The following RASGRF1 variants were observed in gnomAD, a reference collection of about 807,000 sequenced individuals.
RASGRF1 encodes the protein Ras protein specific guanine nucleotide releasing factor 1.
A neutral mutation model predicts 138.7 loss-of-function variants in RASGRF1; 40 were observed. The ratio of observed to expected loss-of-function variants is 0.29; its 90% CI spans 0.22 to 0.38. The LOEUF (loss-of-function observed/expected upper bound fraction) is 0.38, where lower values mean the gene tolerates loss of function less well. Among genes scored for constraint, RASGRF1 ranks in the 10% least tolerant of loss-of-function variants. The pLI is 1.00. For synonymous variants in RASGRF1, 614 were observed against 663.2 expected (o/e 0.93, Z 1.14); for missense variants, 1,108 against 1,650.4 (o/e 0.67, Z 5.69).
At chr15:79,048,323 G>A (rs570857915) in intron 4 of RASGRF1, among the ~76,000 whole-genome samples, 2 of 152,206 alleles carry the variant, frequency 1.3e-5, no homozygotes, top group East Asian at 3.9e-4. Flanking sequence ...TGCAGGAGGT[G>A]GCCTGGGGCT....
intron 26 of RASGRF1, among the ~76,000 whole-genome samples, chr15:78,970,139 T>C (rs2055722121): frequency 6.6e-6 from 1 of 152,202 alleles, no homozygotes; most frequent in African/African-American, 2.4e-5. Context: ...TTTTCCGGTG[T>C]GCTTGAGGGT....
At position 78,960,085 on chromosome 15, in the gene RASGRF1, AT is replaced by A. The variant is rs1161418997; in HGVS notation, c.*2058del. The A allele has an allele frequency of 2.0e-5, 3 of 152,194 alleles. No homozygotes were observed. The highest frequency in any genetic ancestry group is 7.2e-5 in the African/African-American group (3 of 41,450). 9.4% of individuals were successfully genotyped at this position (152,194 alleles called of 1,614,324 possible). On this transcript the variant is annotated 3_prime_UTR_variant, in exon 27 of 27. Coordinates refer to ENST00000558480, the MANE Select transcript of RASGRF1 (RefSeq NM_001145648.3). ...GAAGCAGGTAAAGCTGGCAATCAAA[AT>A]CAGCTGGCAGTCAAAAGAAGGATCT...
intron 26 of RASGRF1, among the ~76,000 whole-genome samples, chr15:78,969,108 A>G (rs2055700928): frequency 6.6e-6 from 1 of 152,140 alleles, no homozygotes; most frequent in Non-Finnish European, 1.5e-5. Context: ...GTTTGAATAA[A>G]CCTACTATTT....
intron 26 of RASGRF1, among the ~76,000 whole-genome samples, chr15:78,962,610 T>C (rs938726270): frequency 2.6e-5 from 4 of 152,182 alleles, no homozygotes; most frequent in Admixed American, 6.6e-5. Context: ...AGGCTGGGCG[T>C]GGTGGCTCAT....
chr15:79,010,459 C>T (rs948665723), intron 13 of RASGRF1, among the ~76,000 whole-genome samples: 1 of 152,228 alleles, frequency 6.6e-6, no homozygotes, highest in Non-Finnish European at 1.5e-5. Flanking sequence ...AGACTCAACA[C>T]AAGAGAGTGC....
rs2055767244 is a variant in RASGRF1 at position 78,971,848 on chromosome 15, G to A, written c.3681+18C>T. ...CACTGTGAAAGCATGCAAGTGACCAGGAAAAGGCACAGCTTACCTTTGCTT... is the reference window on the plus strand; with the variant it reads ...CACTGTGAAAGCATGCAAGTGACCAAGAAAAGGCACAGCTTACCTTTGCTT... On this transcript the variant is annotated intron_variant, in intron 26 of 26. Coordinates refer to ENST00000558480, the MANE Select transcript of RASGRF1 (RefSeq NM_001145648.3). 6.4e-7 allele frequency: 1 copy of A among 1,557,610 alleles called. No homozygotes were observed. The highest frequency in any genetic ancestry group is 8.9e-7 in the Non-Finnish European group (1 of 1,128,640).
chr15:78,984,972 C>T (rs1270574778), intron 23 of RASGRF1, 35 bp downstream of exon 23: 3 of 1,599,690 alleles, frequency 1.9e-6, no homozygotes, highest in South Asian at 2.2e-5. Context: ...CAATCCAGCC[C>T]CAGGGAGGCA....
chr15:79,003,938 C>T lies in RASGRF1; in HGVS notation c.2313G>A (p.Ser771=), dbSNP rs148571820. 38 of 1,614,150 alleles carry T rather than the reference C, an allele frequency of 2.4e-5. 1 individual carries two copies. Among genetic ancestry groups the T allele is most frequent in the African/African-American group, 1.5e-4 (11 of 75,028 alleles). Residue 771 remains serine, a synonymous_variant, in exon 15 of 27, where the codon TCG becomes TCA. Transcript: ENST00000558480. ...CNSNGYTSMY[S]AMSPFSKATL... ...TGGCCTTGCTGAAGGGTGACATGGC[C>T]GAGTACATGCTGGTGTAGCCATTGG... is the stretch of plus-strand genomic sequence containing the variant.
intron 1 of RASGRF1, among the ~76,000 whole-genome samples, chr15:79,077,465 C>A (rs2057849286): frequency 3.3e-5 from 5 of 152,186 alleles, no homozygotes; most frequent in Admixed American, 2.0e-4. Context: ...TCTAATCAAC[C>A]TAGCAGTGGC....
chr15:78,985,375 C>A, intron 22 of RASGRF1, 171 bp from the exon 23 acceptor site: 2 of 650,374 alleles, frequency 3.1e-6, no homozygotes, highest in Non-Finnish European at 5.1e-6. Flanking sequence ...GTTCAATATA[C>A]AAAAATGAAA....
chr15:78,973,378 G>A lies in RASGRF1; in HGVS notation c.3537C>T (p.Thr1179=), dbSNP rs1463897485. The A allele has an allele frequency of 5.6e-6, 9 of 1,613,758 alleles. No homozygotes were observed. The highest frequency in any genetic ancestry group is 4.4e-5 in the South Asian group (4 of 91,072). Residue 1179 remains threonine (T), a synonymous_variant, in exon 25 of 27, where the codon ACC becomes ACT. Transcript: ENST00000558480. The surrounding 1 kb of genome is among the most constrained non-coding windows in gnomAD (Gnocchi z 4.9). Reference sequence around the variant, plus strand: ...TCCCCTCCTCGATGAAGGCCAGGTCGGTGAGGTACATCCCCAGGTAAGGGA... The same window carrying A: ...TCCCCTCCTCGATGAAGGCCAGGTCAGTGAGGTACATCCCCAGGTAAGGGA... ...PCVPYLGMYL[T]DLAFIEEGTP...
intron 14 of RASGRF1, chr15:79,004,991 T>C: frequency 1.0e-6 from 1 of 985,498 alleles, no homozygotes; most frequent in Non-Finnish European, 1.2e-6. Flanking sequence ...ACCAGCCTCT[T>C]TGTTCTGCAG....
chr15:79,085,259 G>A (rs1306791883), intron 1 of RASGRF1, among the ~76,000 whole-genome samples: 2 of 152,204 alleles, frequency 1.3e-5, no homozygotes, highest in East Asian at 3.9e-4. Flanking sequence ...ATCATTTCAG[G>A]TGGAGGGAAT....
intron 24 of RASGRF1, among the ~76,000 whole-genome samples, chr15:78,976,731 C>G (rs2055880724): frequency 6.6e-6 from 1 of 152,228 alleles, no homozygotes; most frequent in African/African-American, 2.4e-5. Flanking sequence ...GTTGGGGCTT[C>G]CTGCAGGCAA....
At chr15:79,085,848 C>T (rs1270136702) in intron 1 of RASGRF1, among the ~76,000 whole-genome samples, 1 of 152,172 alleles carries the variant, frequency 6.6e-6, no homozygotes, top group Non-Finnish European at 1.5e-5. Context: ...AGGCCTGACA[C>T]CAAGGGCCAA....
chr15:79,015,852 G>A (rs532998753), intron 12 of RASGRF1, among the ~76,000 whole-genome samples: 4 of 152,320 alleles, frequency 2.6e-5, no homozygotes, highest in Admixed American at 2.6e-4. Flanking sequence ...CTGCACGAGG[G>A]TGCTGAACTG....
At chr15:79,007,971 T>A (rs1382896519) in intron 13 of RASGRF1, among the ~76,000 whole-genome samples, 1 of 151,762 alleles carries the variant, frequency 6.6e-6, no homozygotes, top group African/African-American at 2.4e-5. Flanking sequence ...GCCTCCCGAG[T>A]AGCTGGGATT....
At chr15:79,084,509 A>G (rs1441849153) in intron 1 of RASGRF1, among the ~76,000 whole-genome samples, 1 of 152,202 alleles carries the variant, frequency 6.6e-6, no homozygotes, top group South Asian at 2.1e-4. Context: ...TGGCAGCCAC[A>G]TCACTTCATT....
intron 24 of RASGRF1, chr15:78,978,536 T>A: frequency 1.0e-6 from 1 of 986,476 alleles, no homozygotes; most frequent in Non-Finnish European, 1.2e-6. Flanking sequence ...GAATTGGATA[T>A]CTTAATGAAA....
Sources: gnomAD v4.1 joint callset for allele counts (sites outside exome capture counted in the v4.1 genomes callset) on GRCh38, gnomAD v4.1.1 for gene constraint, Gnocchi (gnomAD v3.1) non-coding constraint, MANE v1.5 for transcripts, NCBI Gene and HGNC (gene_info 2026-07-23, HGNC 2026-07-21) for gene names.